MAD1L1: variants seen among roughly 807,000 people sequenced by gnomAD.
MAD1L1 encodes mitotic spindle assembly checkpoint protein MAD1.
A neutral mutation model predicts 96.9 loss-of-function variants in MAD1L1; 95 were observed. The observed-to-expected ratio is 0.98, with a 90% CI of 0.83 to 1.16. The LOEUF (loss-of-function observed/expected upper bound fraction) is 1.16. MAD1L1 is among the 50% of genes most tolerant of loss of function. The probability of loss-of-function intolerance (pLI) is 0.00; values close to 1 mark genes in which losing one functional copy is unlikely to be tolerated. For synonymous variants in MAD1L1, 473 were observed against 396.6 expected (o/e 1.19, Z -2.29); for missense variants, 1,007 against 954.4 (o/e 1.06, Z -0.73).
At chr7:2,176,898 TAAA>T (rs1790974186) in intron 10 of MAD1L1, among the ~76,000 whole-genome samples, 1 of 152,236 alleles carries the variant, frequency 6.6e-6, no homozygotes, top group South Asian at 2.1e-4. Context: ...AGAGCTCCTC[TAAA>T]AAACATACGC....
rs567913309 is a variant in MAD1L1 at position 2,119,361 on chromosome 7, T to A, written c.1073+29791A>T. Among the ~76,000 whole-genome samples, 1 of 152,122 alleles carries A rather than the reference T, an allele frequency of 6.6e-6. No homozygotes were observed. The highest frequency in any genetic ancestry group is 6.5e-5 in the Admixed American group (1 of 15,286). On this transcript the variant is annotated intron_variant, in intron 11 of 18. Transcript: ENST00000265854. This position sits in a 1 kb window ranked among gnomAD's most constrained non-coding sequence, Gnocchi z 4.6. The stretch of plus-strand genomic sequence containing the variant: ...CTCCATCACCCACCCTTTCTGACAG[T>A]GGCCCACATGGTTTAGGACGGGGTG...
chr7:2,193,996 T>G (rs1325387177), intron 10 of MAD1L1, among the ~76,000 whole-genome samples: 1 of 126,082 alleles, frequency 7.9e-6, no homozygotes, highest in Non-Finnish European at 1.6e-5. Flanking sequence ...TAGGCTGGAG[T>G]GCAGTGGCAT....
At chr7:2,226,756 A>G (rs1481513555) in intron 3 of MAD1L1, among the ~76,000 whole-genome samples, 1 of 152,180 alleles carries the variant, frequency 6.6e-6, no homozygotes, top group African/African-American at 2.4e-5. Flanking sequence ...TTGAGAGGCC[A>G]AGGCGGGTGG....
At chr7:1,941,113 C>T (rs1778976428) in intron 16 of MAD1L1, among the ~76,000 whole-genome samples, 1 of 150,524 alleles carries the variant, frequency 6.6e-6, no homozygotes, top group South Asian at 2.1e-4. Context: ...CTGGCCCCAG[C>T]ATCCTCCTAC....
At chr7:1,931,254 G>A (rs1004719265) in intron 17 of MAD1L1, among the ~76,000 whole-genome samples, 1 of 152,072 alleles carries the variant, frequency 6.6e-6, no homozygotes, top group African/African-American at 2.4e-5. Context: ...CCCCACGCAC[G>A]GTCACAGGAG....
At chr7:1,992,455 G>A (rs1781395841) in intron 14 of MAD1L1, among the ~76,000 whole-genome samples, 1 of 152,148 alleles carries the variant, frequency 6.6e-6, no homozygotes, top group Admixed American at 6.5e-5. Context: ...GCAAGTAACG[G>A]AAATGTGTAT....
At chr7:2,211,668 A>T (rs980431851) in intron 10 of MAD1L1, among the ~76,000 whole-genome samples, 3 of 152,206 alleles carry the variant, frequency 2.0e-5, no homozygotes, top group Non-Finnish European at 4.4e-5. Flanking sequence ...CCGGCCCTAC[A>T]GAAGTCTGTG....
At chr7:2,197,304 G>A (rs575647472) in intron 10 of MAD1L1, among the ~76,000 whole-genome samples, 4 of 152,236 alleles carry the variant, frequency 2.6e-5, no homozygotes, top group East Asian at 1.9e-4. Context: ...ACATATGCCC[G>A]GCTAGATCTG....
Position 2,088,751 on chromosome 7 carries a change from A to G in MAD1L1, c.1074-19413T>C, listed in dbSNP as rs1487418564. 6.6e-6 allele frequency: 1 copy of G among 152,128 alleles called. No individual in the cohort carries two copies. Among genetic ancestry groups the G allele is most frequent in the African/African-American group, 2.4e-5 (1 of 41,356 alleles). 9.4% of individuals were successfully genotyped at this position (152,128 alleles called of 1,614,324 possible). A position where few individuals can be genotyped will look rare whatever the true frequency, so the allele number is the denominator to read the frequency against. Reference sequence around the variant, plus strand: ...CTCAAGTACAACCTAGACGCCCTCAACTCCATTTCCTGGGTGCCCCAAAGC... The same window carrying G: ...CTCAAGTACAACCTAGACGCCCTCAGCTCCATTTCCTGGGTGCCCCAAAGC... On this transcript the variant is annotated intron_variant, in intron 11 of 18. Transcript: ENST00000265854. The surrounding 1 kb of genome is among the most constrained non-coding windows in gnomAD (Gnocchi z 4.4).
intron 18 of MAD1L1, among the ~76,000 whole-genome samples, chr7:1,859,793 T>C: frequency 6.6e-6 from 1 of 150,696 alleles, no homozygotes; most frequent in Non-Finnish European, 1.5e-5. Flanking sequence ...GGCCTCTGTC[T>C]CCCTAGACGT....
intron 18 of MAD1L1, among the ~76,000 whole-genome samples, chr7:1,843,084 A>C (rs1407191584): frequency 1.3e-5 from 2 of 152,008 alleles, no homozygotes; most frequent in East Asian, 3.9e-4. Context: ...GGGGCTAGAG[A>C]GCAGCCCTGG....
In MAD1L1 at chr7:2,141,100, G is replaced by A. The variant is rs202178691; in HGVS notation, c.1073+8052C>T. 2.2e-4 allele frequency among the ~76,000 whole-genome samples: 34 copies of A among 152,354 alleles called. No homozygotes were observed. In the East Asian group the frequency reaches 3.1e-3, roughly 14 times the overall value. On this transcript the variant is annotated intron_variant, in intron 11 of 18. Coordinates refer to ENST00000265854, the MANE Select transcript of MAD1L1 (RefSeq NM_001013836.2). Reference sequence around the variant, plus strand: ...ACAGACCCCAGAGCCCAGCGGCAGCGGACGCTGGACCCGGCCCCGTCATGA... The same window carrying A: ...ACAGACCCCAGAGCCCAGCGGCAGCAGACGCTGGACCCGGCCCCGTCATGA...
At chr7:1,930,578 G>A in intron 17 of MAD1L1, among the ~76,000 whole-genome samples, 1 of 106,006 alleles carries the variant, frequency 9.4e-6, no homozygotes, top group Non-Finnish European at 2.0e-5. Context: ...CCTCACCGCT[G>A]CGTCCCCTCG....
At chr7:1,914,438 G>T (rs1019504674) in intron 17 of MAD1L1, among the ~76,000 whole-genome samples, 1 of 152,206 alleles carries the variant, frequency 6.6e-6, no homozygotes, top group Non-Finnish European at 1.5e-5. Flanking sequence ...TGTGCGCTCC[G>T]GCTCTGAGGG....
chr7:1,874,294 C>T (rs568971932), intron 18 of MAD1L1, among the ~76,000 whole-genome samples: 13 of 152,134 alleles, frequency 8.5e-5, no homozygotes, highest in Non-Finnish European at 1.5e-4. Flanking sequence ...TGTCATCGCA[C>T]GGCCAGGCTG....
At chr7:1,819,193 CTTAAAA>C (rs1187535267) in intron 18 of MAD1L1, among the ~76,000 whole-genome samples, 4 of 152,162 alleles carry the variant, frequency 2.6e-5, no homozygotes, top group African/African-American at 9.7e-5. Flanking sequence ...GGGCTGCTCA[CTTAAAA>C]TTAAACTGCA....
intron 18 of MAD1L1, among the ~76,000 whole-genome samples, chr7:1,881,751 T>TGTGGGGAGGCAGAGGTG (rs1389195790): frequency 2.6e-5 from 4 of 152,202 alleles, no homozygotes; most frequent in African/African-American, 9.6e-5. Context: ...GACATGAAGA[T>TGTGGGGAGGCAGAGGTG]GTGGGGAGGC....
At chr7:1,890,569 A>C (rs1034557308) in intron 18 of MAD1L1, among the ~76,000 whole-genome samples, 3 of 152,124 alleles carry the variant, frequency 2.0e-5, no homozygotes, top group Admixed American at 2.0e-4. Flanking sequence ...TCTAGAAACC[A>C]CCCAGTCTCA....
intron 13 of MAD1L1, among the ~76,000 whole-genome samples, chr7:2,002,963 C>A (rs1416199759): frequency 8.1e-4 from 3 of 3,706 alleles, no homozygotes; most frequent in Non-Finnish European, 1.8e-3. Flanking sequence ...CTCCCCACTG[C>A]CCCCACCACC....
Sources: allele counts gnomAD v4.1 joint callset (sites outside exome capture counted in the v4.1 genomes callset), GRCh38; gene constraint gnomAD v4.1.1; non-coding constraint Gnocchi (gnomAD v3.1); transcripts MANE v1.5; gene names NCBI Gene and HGNC (gene_info 2026-07-23, HGNC 2026-07-21).